Variants in TTLL5 observed in about 807,000 individuals in gnomAD.
TTLL5 encodes tubulin polyglutamylase TTLL5.
Under a neutral mutation model 168.4 loss-of-function variants are expected in TTLL5, and 132 were observed. The ratio of observed to expected loss-of-function variants is 0.78; its 90% confidence interval spans 0.68 to 0.91. The LOEUF is 0.91. Ranked by LOEUF, TTLL5 falls within the 40% of genes least tolerant of loss-of-function variation. TTLL5 has a pLI of 0.00. For synonymous variants in TTLL5, 546 were observed against 558.6 expected (o/e 0.98, Z 0.32); for missense variants, 1,545 against 1,581.5 (o/e 0.98, Z 0.39).
At chr14:75,821,097 A>G (rs923105340) in intron 28 of TTLL5, among the ~76,000 whole-genome samples, 2 of 152,156 alleles carry the variant, frequency 1.3e-5, no homozygotes, top group African/African-American at 4.8e-5. Flanking sequence ...TGGAGGAAAT[A>G]CCTAGTTGTT....
At chr14:75,780,164 A>T (rs978458807) in intron 24 of TTLL5, among the ~76,000 whole-genome samples, 4 of 152,174 alleles carry the variant, frequency 2.6e-5, no homozygotes, top group African/African-American at 9.7e-5. Context: ...TGTGCTCTTA[A>T]TATATTCTTC....
At chr14:75,897,189 G>A (rs1440982341) in intron 30 of TTLL5, among the ~76,000 whole-genome samples, 3 of 151,980 alleles carry the variant, frequency 2.0e-5, no homozygotes, top group Admixed American at 1.3e-4. Flanking sequence ...CAGAAAAATG[G>A]CAGAGGCAAG....
intron 25 of TTLL5, among the ~76,000 whole-genome samples, chr14:75,782,826 G>T (rs1369609368): frequency 6.6e-6 from 1 of 152,186 alleles, no homozygotes; most frequent in Non-Finnish European, 1.5e-5. Context: ...AGAAGGGGGA[G>T]AGGAATTAGC....
intron 31 of TTLL5, among the ~76,000 whole-genome samples, chr14:75,927,961 G>C (rs899110645): frequency 1.3e-5 from 2 of 151,970 alleles, no homozygotes; most frequent in African/African-American, 2.4e-5. Flanking sequence ...ACCCCTCCCT[G>C]ACACCATCCT....
In TTLL5 at chr14:75,902,127, T is replaced by C; in HGVS notation, c.3741-15T>C. On this transcript the variant is annotated splice_polypyrimidine_tract_variant and intron_variant, in intron 30 of 31. Coordinates refer to ENST00000298832, the MANE Select transcript of TTLL5 (RefSeq NM_015072.5). Reference sequence around the variant, plus strand: ...TTTCCGCCTGCAGGTCTGACCAAGCTCCTTTGTGTTTCAGAGGGTCCTCCG... The same window carrying C: ...TTTCCGCCTGCAGGTCTGACCAAGCCCCTTTGTGTTTCAGAGGGTCCTCCG... The C allele has an allele frequency of 2.5e-6, 4 of 1,613,934 alleles. No homozygotes were observed. Among genetic ancestry groups the C allele is most frequent in the Non-Finnish European group, 3.4e-6 (4 of 1,179,878 alleles).
chr14:75,804,567 A>G (rs1297921435), intron 27 of TTLL5, among the ~76,000 whole-genome samples: 1 of 152,198 alleles, frequency 6.6e-6, no homozygotes, highest in Non-Finnish European at 1.5e-5. Context: ...ACTTAGGTAC[A>G]TTTGTGCTCA....
In TTLL5 at chr14:75,683,576, C is replaced by T. The variant is rs1304750901; in HGVS notation, c.291C>T (p.Asn97=). Residue 97 remains asparagine (N), a synonymous_variant, in exon 5 of 32, where the codon AAC becomes AAT. Coordinates refer to ENST00000298832, the MANE Select transcript of TTLL5 (RefSeq NM_015072.5). ...HEVHPSSTDY[N]LMWTGSHLKP... is the part of the protein sequence containing the mutation. ...TTCACCCAAGCAGCACTGACTATAA[C>T]CTAATGTGGACAGGATCCCACCTGA... The T allele has an allele frequency of 6.2e-7, 1 of 1,613,830 alleles. No homozygotes were observed. Among genetic ancestry groups the T allele is most frequent in the African/African-American group, 1.3e-5 (1 of 74,880 alleles).
intron 18 of TTLL5, among the ~76,000 whole-genome samples, chr14:75,754,641 T>TGC (rs1422752271): frequency 1.3e-5 from 2 of 152,216 alleles, no homozygotes; most frequent in Non-Finnish European, 2.9e-5. Flanking sequence ...ATAATATGTG[T>TGC]GCCTCTTTGT....
intron 28 of TTLL5, among the ~76,000 whole-genome samples, chr14:75,837,843 ATGTGTGTGTGTATGGGAG>A (rs1255530289): frequency 6.6e-6 from 1 of 152,068 alleles, no homozygotes; most frequent in Non-Finnish European, 1.5e-5. Context: ...ATCTAGATAT[ATGTGTGTGTGTATGGGAG>A]TGTGTGTGTG....
At chr14:75,854,493 T>G (rs912199635) in intron 28 of TTLL5, among the ~76,000 whole-genome samples, 2 of 152,196 alleles carry the variant, frequency 1.3e-5, no homozygotes, top group African/African-American at 4.8e-5. Context: ...TATGCAACTT[T>G]TTTTTAGCCA....
chr14:75,804,763 G>A (rs540212360), intron 27 of TTLL5, among the ~76,000 whole-genome samples: 1 of 152,312 alleles, frequency 6.6e-6, no homozygotes, highest in African/African-American at 2.4e-5. Context: ...ACCTCCCTGT[G>A]CCTTGATTTC....
intron 18 of TTLL5, among the ~76,000 whole-genome samples, chr14:75,758,813 G>C (rs1890445386): frequency 6.6e-6 from 1 of 152,122 alleles, no homozygotes; most frequent in Admixed American, 6.5e-5. Flanking sequence ...AAATCATGAG[G>C]AAAATTAGAA....
At chr14:75,796,697 A>T (rs970669485) in intron 27 of TTLL5, among the ~76,000 whole-genome samples, 4 of 151,786 alleles carry the variant, frequency 2.6e-5, no homozygotes, top group African/African-American at 9.7e-5. Flanking sequence ...TCCCCAGGTT[A>T]TGTTTTTTGT....
At chr14:75,675,808 A>G (rs1884101759) in intron 3 of TTLL5, among the ~76,000 whole-genome samples, 1 of 152,224 alleles carries the variant, frequency 6.6e-6, no homozygotes, top group Non-Finnish European at 1.5e-5. Flanking sequence ...GTTCCAGAGA[A>G]ATAGAACCAA....
chr14:75,683,008 G>C lies in TTLL5; in HGVS notation c.265-542G>C, dbSNP rs1884747348. 2.0e-5 allele frequency among the ~76,000 whole-genome samples: 3 copies of C among 152,138 alleles called. No homozygotes were observed. The South Asian group carries it at 6.2e-4, about 31-fold the overall frequency. ...GATAGTCTCAAACTCCTGAGCTCAA[G>C]CGCTCCTCCCGCCTCGGCCTCCCAA... is the stretch of plus-strand genomic sequence containing the variant. On this transcript the variant is annotated intron_variant, in intron 4 of 31. Transcript: ENST00000298832.
At chr14:75,685,005 C>T (rs189314910) in intron 5 of TTLL5, 1 of 152,292 alleles carries the variant, frequency 6.6e-6, no homozygotes, top group African/African-American at 2.4e-5. Flanking sequence ...GAAAATTTTA[C>T]TGACAGAGCT....
intron 2 of TTLL5, among the ~76,000 whole-genome samples, chr14:75,667,552 G>A (rs1313484536): frequency 2.0e-5 from 3 of 152,100 alleles, no homozygotes; most frequent in Non-Finnish European, 4.4e-5. Context: ...TCTCACAAGT[G>A]GGTACTGTCA....
At chr14:75,869,242 A>G (rs1266562432) in intron 29 of TTLL5, among the ~76,000 whole-genome samples, 1 of 152,118 alleles carries the variant, frequency 6.6e-6, no homozygotes, top group African/African-American at 2.4e-5. Flanking sequence ...TTGATTTAGT[A>G]GATTTTGCCA....
chr14:75,666,519 T>C (rs1035901079), intron 2 of TTLL5, among the ~76,000 whole-genome samples: 19 of 152,380 alleles, frequency 1.2e-4, no homozygotes, highest in African/African-American at 4.6e-4. Flanking sequence ...TGTAAAAGGC[T>C]GGCTTTATAT....
Sources: gnomAD v4.1 joint callset for allele counts (sites outside exome capture counted in the v4.1 genomes callset) on GRCh38, gnomAD v4.1.1 for gene constraint, MANE v1.5 for transcripts, NCBI Gene and HGNC (gene_info 2026-07-23, HGNC 2026-07-21) for gene names.